SOX5: variants seen among roughly 807,000 people sequenced by gnomAD.
SOX5 encodes the protein SRY-box transcription factor 5, also known as transcription factor SOX-5.
A neutral mutation model predicts 92.0 loss-of-function variants in SOX5; 9 were observed. That is an observed-to-expected ratio of 0.10 (90% CI 0.06 to 0.17). The LOEUF (loss-of-function observed/expected upper bound fraction) is 0.17. Ranked by LOEUF, SOX5 falls within the 10% of genes least tolerant of loss-of-function variation. SOX5 has a pLI of 1.00. For synonymous variants in SOX5, 344 were observed against 336.3 expected, an observed-to-expected ratio of 1.02 and a Z score of -0.25; for missense variants, 642 against 944.5, an observed-to-expected ratio of 0.68 and a Z score of 4.20.
intron 8 of SOX5, among the ~76,000 whole-genome samples, chr12:23,609,250 C>T (rs561603095): frequency 1.3e-5 from 2 of 152,220 alleles, no homozygotes; most frequent in South Asian, 2.1e-4. Flanking sequence ...GTAGGCTACA[C>T]TCACCTTATG....
At chr12:24,084,556 C>T (rs1403391684) in intron 4 of SOX5, among the ~76,000 whole-genome samples, 1 of 152,064 alleles carries the variant, frequency 6.6e-6, no homozygotes, top group African/African-American at 2.4e-5. Flanking sequence ...CTATACATTT[C>T]ATTTCAGAAT....
chr12:23,770,356 C>G (rs1054722128), intron 3 of SOX5, among the ~76,000 whole-genome samples: 1 of 151,562 alleles, frequency 6.6e-6, no homozygotes, highest in Non-Finnish European at 1.5e-5. Flanking sequence ...AAGGCCATAA[C>G]TGAGCCAAAA....
Position 24,030,652 on chromosome 12 carries a change from T to C in SOX5, c.-1-134628A>G, listed in dbSNP as rs530638745. ...GATCTGGGCAATCCTTCTTCAGATA[T>C]GACCAGAAGCACAGGCAACAAAAGC... On this transcript the variant is annotated intron_variant, in intron 4 of 4. Coordinates refer to the SOX5 transcript ENST00000446891. Among the ~76,000 whole-genome samples, 32 of 151,984 alleles carry C rather than the reference T, an allele frequency of 2.1e-4. 1 individual carries two copies. The South Asian group carries it at 6.4e-3, about 30-fold the overall frequency.
In SOX5 at chr12:24,550,467, A is replaced by T. The variant is rs533978466; in HGVS notation, c.-251+11862T>A. Among the ~76,000 whole-genome samples the T allele has an allele frequency of 1.4e-4, 21 of 152,268 alleles. No homozygotes were observed. The South Asian group carries it at 2.3e-3, about 17-fold the overall frequency. ...TTTAGAGACCTCATCCTTCAAACAG[A>T]TGGAGCCATTTCTAAACTTTTGCCT... is the stretch of plus-strand genomic sequence containing the variant. On this transcript the variant is annotated intron_variant, in intron 1 of 4. Coordinates refer to the SOX5 transcript ENST00000446891.
chr12:24,092,371 A>G (rs991581080), intron 4 of SOX5, among the ~76,000 whole-genome samples: 1 of 152,040 alleles, frequency 6.6e-6, no homozygotes, highest in Non-Finnish European at 1.5e-5. Flanking sequence ...CTCTCCTCCT[A>G]CAAACAGGGT....
intron 4 of SOX5, among the ~76,000 whole-genome samples, chr12:24,039,647 G>A (rs568244353): frequency 6.6e-6 from 1 of 152,154 alleles, no homozygotes; most frequent in South Asian, 2.1e-4. Flanking sequence ...GTATAACAAT[G>A]GTAGAATAAT....
chr12:24,264,092 CAAT>C (rs1171248849), intron 3 of SOX5, among the ~76,000 whole-genome samples: 1 of 151,968 alleles, frequency 6.6e-6, no homozygotes, highest in Non-Finnish European at 1.5e-5. Context: ...TTTTAAATAA[CAAT>C]ACTCTTAAAA....
chr12:23,995,851 G>A (rs1418895936), intron 4 of SOX5, among the ~76,000 whole-genome samples: 1 of 152,104 alleles, frequency 6.6e-6, no homozygotes, highest in Admixed American at 6.6e-5. Context: ...TACCAAAGTG[G>A]ACATTTTCAG....
chr12:23,572,444 A>G (rs1948516574), intron 10 of SOX5, among the ~76,000 whole-genome samples: 1 of 87,914 alleles, frequency 1.1e-5, no homozygotes, highest in Non-Finnish European at 2.6e-5. Context: ...TATGTGGTGA[A>G]AGGACTTTTC....
chr12:23,800,017 T>G (rs1022690434), intron 3 of SOX5, among the ~76,000 whole-genome samples: 3 of 152,000 alleles, frequency 2.0e-5, no homozygotes, highest in Non-Finnish European at 4.4e-5. Flanking sequence ...CAAATAACAG[T>G]GTACTTGAAA....
chr12:23,553,639 G>A (rs922224879), intron 11 of SOX5, among the ~76,000 whole-genome samples: 18 of 151,990 alleles, frequency 1.2e-4, no homozygotes, highest in Admixed American at 6.6e-5. Context: ...TCCAAACCGT[G>A]GCAGACAGAC....
At chr12:23,651,858 G>T (rs1592958146) in intron 7 of SOX5, among the ~76,000 whole-genome samples, 1 of 151,868 alleles carries the variant, frequency 6.6e-6, no homozygotes, top group East Asian at 1.9e-4. Flanking sequence ...TCAAGATCTA[G>T]CCTGTAGTTG....
intron 1 of SOX5, among the ~76,000 whole-genome samples, chr12:23,943,666 C>T (rs1944058963): frequency 6.6e-6 from 1 of 152,062 alleles, no homozygotes; most frequent in South Asian, 2.1e-4. Context: ...AATGTATTAA[C>T]ACTAGAGAGC....
intron 2 of SOX5, among the ~76,000 whole-genome samples, chr12:24,351,589 C>A (rs1254369895): frequency 1.3e-5 from 2 of 152,110 alleles, no homozygotes; most frequent in Non-Finnish European, 2.9e-5. Context: ...CTTAAAGTAT[C>A]ATTTTTATTG....
At chr12:24,079,230 T>G (rs992790840) in intron 4 of SOX5, among the ~76,000 whole-genome samples, 11 of 151,692 alleles carry the variant, frequency 7.3e-5, no homozygotes, top group Non-Finnish European at 4.4e-5. Flanking sequence ...TACGCAATAT[T>G]TTCATTTTAA....
intron 4 of SOX5, among the ~76,000 whole-genome samples, chr12:24,168,501 T>A (rs1953685292): frequency 6.7e-6 from 1 of 149,982 alleles, no homozygotes. Context: ...TAAGCTGCTT[T>A]TATTTTTTAT....
intron 4 of SOX5, among the ~76,000 whole-genome samples, chr12:24,014,526 T>A (rs1953351760): frequency 6.6e-6 from 1 of 152,184 alleles, no homozygotes; most frequent in African/African-American, 2.4e-5. Flanking sequence ...GCCACTCTTC[T>A]AAAGACTTAA....
chr12:23,770,219 C>T (rs539982066), intron 3 of SOX5, among the ~76,000 whole-genome samples: 82 of 149,672 alleles, frequency 5.5e-4, no homozygotes, highest in African/African-American at 1.9e-3. Context: ...GCCAGACCAC[C>T]ACTTTCTAGC....
At position 23,604,577 on chromosome 12, in the gene SOX5, A is replaced by G. The variant is rs1268474407; in HGVS notation, c.1018-44T>C. The G allele has an allele frequency of 1.9e-6, 3 of 1,581,212 alleles. No individual in the cohort carries two copies. The African/African-American group carries it at 4.0e-5, about 21-fold the overall frequency. On this transcript the variant is annotated intron_variant, in intron 8 of 14. Transcript: ENST00000451604. ...GAGAGGGAGAAAGAATACTGTGAATAATAAAATAAACGTACCATTCAGAAA... is the reference window on the plus strand; with the variant it reads ...GAGAGGGAGAAAGAATACTGTGAATGATAAAATAAACGTACCATTCAGAAA...
Sources: allele counts gnomAD v4.1 joint callset (sites outside exome capture counted in the v4.1 genomes callset), GRCh38; gene constraint gnomAD v4.1.1; transcripts MANE v1.5; gene names NCBI Gene and HGNC (gene_info 2026-07-23, HGNC 2026-07-21).